The following FAM83F variants were observed in gnomAD, a reference collection of about 807,000 sequenced individuals.
The protein encoded by FAM83F is scaffolding CK1 anchoring protein F.
FAM83F carries 45 observed loss-of-function variants against 42.9 expected under a neutral mutation model. That is an observed-to-expected ratio of 1.05 (90% CI 0.83 to 1.35). FAM83F has a LOEUF of 1.35. Among genes scored for constraint, FAM83F ranks in the 40% most tolerant of loss-of-function variants. The probability of loss-of-function intolerance (pLI) is 0.00; values close to 1 mark genes in which losing one functional copy is unlikely to be tolerated. For synonymous variants in FAM83F, 306 were observed against 298.3 expected, an observed-to-expected ratio of 1.03 and a Z score of -0.27; for missense variants, 617 against 695.9, an observed-to-expected ratio of 0.89 and a Z score of 1.28.
chr22:39,995,748 C>T lies in FAM83F; in HGVS notation c.489+217C>T, dbSNP rs1415810511. ...TTACAAGGTGCTGGACAGATGTCAG[C>T]CGTCGGTATTCCAGCGTTCAGAGGC... On this transcript the variant is annotated intron_variant, in intron 1 of 4. Transcript: ENST00000333407. This position sits in a 1 kb window ranked among gnomAD's most constrained non-coding sequence, Gnocchi z 4.6. 6.6e-6 allele frequency among the ~76,000 whole-genome samples: 1 copy of T among 152,192 alleles called. No homozygotes were observed. Among genetic ancestry groups the T allele is most frequent in the African/African-American group, 2.4e-5 (1 of 41,454 alleles).
At chr22:40,029,080 C>T (rs28542911) in intron 4 of FAM83F, among the ~76,000 whole-genome samples, 30 of 130,612 alleles carry the variant, frequency 2.3e-4, no homozygotes, top group African/African-American at 7.8e-4. Context: ...CTTGGCTAGA[C>T]GTGTGTGTGT....
In FAM83F at chr22:40,036,130, C is replaced by G. The variant is rs1168970828; in HGVS notation, c.*6565C>G. Reference sequence around the variant, plus strand: ...CTGGGCTCAATGAGTTCCTTGAGATCTTCCATCCTCAGCTTCCCAAGTAGC... The same window carrying G: ...CTGGGCTCAATGAGTTCCTTGAGATGTTCCATCCTCAGCTTCCCAAGTAGC... On this transcript the variant is annotated 3_prime_UTR_variant, in exon 5 of 5. Coordinates refer to ENST00000333407, the MANE Select transcript of FAM83F (RefSeq NM_138435.4). 1.3e-5 allele frequency: 2 copies of G among 152,164 alleles called. No homozygotes were observed. Among genetic ancestry groups the G allele is most frequent in the Non-Finnish European group, 2.9e-5 (2 of 68,030 alleles). 9.4% of individuals were successfully genotyped at this position (152,164 alleles called of 1,614,324 possible). A position where few individuals can be genotyped will look rare whatever the true frequency, so the allele number is the denominator to read the frequency against.
In FAM83F at chr22:40,033,651, C is replaced by T. The variant is rs1378574548; in HGVS notation, c.*4086C>T. On this transcript the variant is annotated 3_prime_UTR_variant, in exon 5 of 5. Transcript: ENST00000333407. ...CCAAAAATGTCTCCAGATGTTACCA[C>T]ATGTCCCCTGGGGGGTAAAAGTGCC... 1 of 152,276 alleles carries T rather than the reference C, an allele frequency of 6.6e-6. No homozygotes were observed. Among genetic ancestry groups the T allele is most frequent in the Non-Finnish European group, 1.5e-5 (1 of 68,070 alleles). The allele number at this position is 152,276 out of a possible 1,614,324, so 9.4% of individuals were successfully genotyped here.
chr22:39,999,851 T>C (rs934193660), intron 1 of FAM83F, among the ~76,000 whole-genome samples: 3 of 152,246 alleles, frequency 2.0e-5, no homozygotes, highest in African/African-American at 4.8e-5. Flanking sequence ...AACCCACCTC[T>C]GCCTGTCGAT....
Position 40,023,367 on chromosome 22 carries a change from C to T in FAM83F, c.1453+1404C>T, listed in dbSNP as rs1043623331. ...ACACCAGCTGCTGCTGCTGCTGCTG[C>T]TCCTGCTCTGTACCTCTGGTTTGGA... On this transcript the variant is annotated intron_variant, in intron 4 of 4. Transcript: ENST00000333407. The surrounding 1 kb of genome is among the most constrained non-coding windows in gnomAD (Gnocchi z 4.1). Among the ~76,000 whole-genome samples, 7 of 72,856 alleles carry T rather than the reference C, an allele frequency of 9.6e-5. No homozygotes were observed. The highest frequency in any genetic ancestry group is 1.0e-4 in the Admixed American group (1 of 9,684). 47.8% of individuals were successfully genotyped at this position (72,856 alleles called of 152,430 possible).
rs754263801 is a variant in FAM83F, at chr22:40,019,231, G to A, written c.553G>A (p.Ala185Thr). 16 of 1,614,072 alleles carry A rather than the reference G, an allele frequency of 9.9e-6. No homozygotes were observed. In the East Asian group the frequency reaches 1.8e-4, roughly 18 times the overall value. The change falls in exon 2 of 5, where the codon GCC (alanine) becomes ACC (threonine). Residue 185 changes from alanine (A) to threonine (T), a missense_variant. Coordinates refer to ENST00000333407, the MANE Select transcript of FAM83F (RefSeq NM_138435.4). Reference protein sequence around the residue: ...GDIFQDIVDAACKRRVPVYII... With the variant: ...GDIFQDIVDATCKRRVPVYII... ...TATCTTTCAAGACATTGTGGATGCT[G>A]CCTGTAAGCGCCGGGTCCCAGTGTA...
rs2067366191 is a variant in FAM83F, at chr22:39,995,086, A to G, written c.44A>G (p.Asn15Ser). 2 of 1,350,832 alleles carry G rather than the reference A, an allele frequency of 1.5e-6. No homozygotes were observed. Among genetic ancestry groups the G allele is most frequent in the East Asian group, 6.1e-5 (2 of 32,904 alleles). 83.7% of individuals were successfully genotyped at this position (1,350,832 alleles called of 1,614,324 possible). ...AACTGCCTGGACGAGGCGCACGTGA[A>G]CGAGAAGGTGACCGAGGCGCAGGCC... ...QLNCLDEAHV[N>S]EKVTEAQAAF... Residue 15 changes from asparagine (N) to serine (S), a missense_variant, in exon 1 of 5, where the codon AAC (asparagine) becomes AGC (serine). Physicochemically the swap from Asn to Ser is conservative, Grantham distance 46. Coordinates refer to ENST00000333407, the MANE Select transcript of FAM83F (RefSeq NM_138435.4). This position sits in a 1 kb window ranked among gnomAD's most constrained non-coding sequence, Gnocchi z 4.6.
chr22:40,025,362 T>A (rs553350157), intron 4 of FAM83F, among the ~76,000 whole-genome samples: 1 of 152,206 alleles, frequency 6.6e-6, no homozygotes, highest in African/African-American at 2.4e-5. Context: ...GAGGCTGCAG[T>A]CAGCTGTGAT....
chr22:40,017,376 G>A (rs573340512), intron 1 of FAM83F, among the ~76,000 whole-genome samples: 1 of 152,206 alleles, frequency 6.6e-6, no homozygotes, highest in Non-Finnish European at 1.5e-5. Flanking sequence ...GGGATTACAG[G>A]TGCCCACCAT....
At position 40,031,243 on chromosome 22, in the gene FAM83F, A is replaced by C; in HGVS notation, c.*1678A>C. On this transcript the variant is annotated 3_prime_UTR_variant, in exon 5 of 5. Transcript: ENST00000333407. Reference sequence around the variant, plus strand: ...ATGAGCTCATTCTGGAGGGGAGGGAAGGGAGAGAGGGGGGAGGTGGGATGT... The same window carrying C: ...ATGAGCTCATTCTGGAGGGGAGGGACGGGAGAGAGGGGGGAGGTGGGATGT... 3.0e-5 allele frequency: 4 copies of C among 131,502 alleles called. No individual in the cohort carries two copies. Among genetic ancestry groups the C allele is most frequent in the South Asian group, 2.8e-4 (1 of 3,562 alleles). The allele number at this position is 131,502 out of a possible 1,614,324, so 8.1% of individuals were successfully genotyped here.
At chr22:40,019,776 G>A in intron 2 of FAM83F, 111 bp from the exon 3 acceptor site, 1 of 1,416,280 alleles carries the variant, frequency 7.1e-7, no homozygotes. Context: ...GTGAAGACAG[G>A]AGCCTGCAGG....
At chr22:40,019,716 G>A (rs2067509272) in intron 2 of FAM83F, among the ~76,000 whole-genome samples, 171 bp from the exon 3 acceptor site, 1 of 152,178 alleles carries the variant, frequency 6.6e-6, no homozygotes, top group South Asian at 2.1e-4. Context: ...ACTTCTTCCT[G>A]CTCGCCAAAG....
rs1039005200 is a variant in FAM83F, at chr22:40,023,663, C to T, written c.1453+1700C>T. On this transcript the variant is annotated intron_variant, in intron 4 of 4. Transcript: ENST00000333407. The surrounding 1 kb of genome is among the most constrained non-coding windows in gnomAD (Gnocchi z 4.1). ...GCTCCCACATCTCGGGTGGTCACGG[C>T]GGCCCTGCCCCTGCTGCCGCTCTCT... Among the ~76,000 whole-genome samples, 2 of 152,168 alleles carry T rather than the reference C, an allele frequency of 1.3e-5. No homozygotes were observed. The highest frequency in any genetic ancestry group is 4.8e-5 in the African/African-American group (2 of 41,438).
intron 1 of FAM83F, among the ~76,000 whole-genome samples, chr22:40,017,789 T>C (rs2067499929): frequency 6.6e-6 from 1 of 152,180 alleles, no homozygotes; most frequent in Non-Finnish European, 1.5e-5. Flanking sequence ...TACCAAGTTA[T>C]CCCTAATCCT....
In FAM83F at chr22:40,023,363, G is replaced by GCTGCTC; in HGVS notation, c.1453+1407_1453+1412dup. ...CCTAACACCAGCTGCTGCTGCTGCTGCTGCTCCTGCTCTGTACCTCTGGTT... is the reference window on the plus strand; with the variant it reads ...CCTAACACCAGCTGCTGCTGCTGCTGCTGCTCCTGCTCCTGCTCTGTACCTCTGGTT... On this transcript the variant is annotated intron_variant, in intron 4 of 4. Transcript: ENST00000333407. The surrounding 1 kb of genome is among the most constrained non-coding windows in gnomAD (Gnocchi z 4.1). Among the ~76,000 whole-genome samples, 1 of 136,140 alleles carries GCTGCTC rather than the reference G, an allele frequency of 7.3e-6. No individual in the cohort carries two copies. Among genetic ancestry groups the GCTGCTC allele is most frequent in the East Asian group, 2.0e-4 (1 of 5,026 alleles). 89.3% of individuals were successfully genotyped at this position (136,140 alleles called of 152,430 possible).
In FAM83F at chr22:40,026,719, G is replaced by T. The variant is rs1187996765; in HGVS notation, c.1454-2797G>T. Among the ~76,000 whole-genome samples, 4 of 152,042 alleles carry T rather than the reference G, an allele frequency of 2.6e-5. No individual in the cohort carries two copies. The East Asian group carries it at 7.7e-4, about 29-fold the overall frequency. On this transcript the variant is annotated intron_variant, in intron 4 of 4. Coordinates refer to ENST00000333407, the MANE Select transcript of FAM83F (RefSeq NM_138435.4). ...CTTCCCAGTTTCTCTGAGGTGACCT[G>T]CAGTGACAGTCCCTTTCCAGAACTC... is the stretch of plus-strand genomic sequence containing the variant.
chr22:39,995,649 GC>G lies in FAM83F; in HGVS notation c.489+122del. On this transcript the variant is annotated intron_variant, in intron 1 of 4. Coordinates refer to ENST00000333407, the MANE Select transcript of FAM83F (RefSeq NM_138435.4). The surrounding 1 kb of genome is among the most constrained non-coding windows in gnomAD (Gnocchi z 4.6). ...GCCCTGAGCACCCTCTGGAAAATGG[GC>G]CCCAACCCGCCCCTACTTCCTGGGG... is the stretch of plus-strand genomic sequence containing the variant. The G allele has an allele frequency of 7.1e-7, 1 of 1,405,150 alleles. No individual in the cohort carries two copies. The allele number at this position is 1,405,150 out of a possible 1,614,324, so 87.0% of individuals were successfully genotyped here. A position where few individuals can be genotyped will look rare whatever the true frequency, so the allele number is the denominator to read the frequency against.
chr22:40,024,931 G>A (rs934865572), intron 4 of FAM83F, among the ~76,000 whole-genome samples: 9 of 152,176 alleles, frequency 5.9e-5, no homozygotes, highest in Middle Eastern at 3.2e-3. Flanking sequence ...TGGGGGCCAG[G>A]GGTGCCCAGC....
At chr22:39,999,924 A>G (rs1455208922) in intron 1 of FAM83F, among the ~76,000 whole-genome samples, 1 of 152,160 alleles carries the variant, frequency 6.6e-6, no homozygotes, top group Non-Finnish European at 1.5e-5. Flanking sequence ...CATTTTGTCA[A>G]TTTAATTTTC....
Sources: gnomAD v4.1 joint callset for allele counts (sites outside exome capture counted in the v4.1 genomes callset) on GRCh38, gnomAD v4.1.1 for gene constraint, Gnocchi (gnomAD v3.1) non-coding constraint, MANE v1.5 for transcripts, NCBI Gene and HGNC (gene_info 2026-07-23, HGNC 2026-07-21) for gene names.